The following DISC1 variants were observed in gnomAD, a reference collection of about 807,000 sequenced individuals.
DISC1 encodes DISC1 scaffold protein.
DISC1 carries 57 observed loss-of-function variants against 84.5 expected under a neutral mutation model. The observed-to-expected ratio is 0.67, with a 90% CI of 0.55 to 0.84. The LOEUF (loss-of-function observed/expected upper bound fraction) is 0.84. Ranked by LOEUF, DISC1 falls within the 40% of genes least tolerant of loss-of-function variation. The pLI is 0.00. For missense variants in DISC1, 1,000 were observed against 1,057.8 expected (o/e 0.95, Z 0.76); for synonymous variants, 411 against 415.2 (o/e 0.99, Z 0.12).
intron 9 of DISC1, among the ~76,000 whole-genome samples, chr1:231,845,405 G>A (rs1162258658): frequency 2.6e-5 from 4 of 152,174 alleles, no homozygotes; most frequent in African/African-American, 9.6e-5. Flanking sequence ...GCCGGCGGGG[G>A]GAGGTTTGAG....
intron 10 of DISC1, among the ~76,000 whole-genome samples, chr1:231,970,355 C>G (rs113817428): frequency 2.8e-4 from 42 of 152,238 alleles, no homozygotes; most frequent in African/African-American, 9.9e-4. Flanking sequence ...GGCCACTGAT[C>G]ATGATGACTT....
intron 6 of DISC1, among the ~76,000 whole-genome samples, chr1:231,773,128 C>A (rs924627357): frequency 6.6e-6 from 1 of 152,154 alleles, no homozygotes; most frequent in African/African-American, 2.4e-5. Context: ...CTATGGCTGT[C>A]TTTGGGCCTG....
In DISC1 at chr1:231,770,980, A is replaced by G. The variant is rs772579757; in HGVS notation, c.1544A>G (p.Gln515Arg). The change falls in exon 6 of 13, where the codon CAG becomes CGG. Residue 515 changes from glutamine to arginine, a missense_variant. By Grantham distance (43) the Gln-to-Arg change is conservative. Coordinates refer to ENST00000439617, the MANE Select transcript of DISC1 (RefSeq NM_018662.3). ...CTGGTGGGCCAGCTGTCCCTGGGTC[A>G]GCTGCAGGAGGTCAGCAAGGCCTTG... is the stretch of plus-strand genomic sequence containing the variant. ...TPLVGQLSLG[Q>R]LQEVSKALQD... 2 of 1,613,776 alleles carry G rather than the reference A, an allele frequency of 1.2e-6. No individual in the cohort carries two copies. Among genetic ancestry groups the G allele is most frequent in the South Asian group, 2.2e-5 (2 of 90,990 alleles).
At chr1:232,029,814 A>G (rs1454912812) in intron 12 of DISC1, among the ~76,000 whole-genome samples, 1 of 152,238 alleles carries the variant, frequency 6.6e-6, no homozygotes, top group Non-Finnish European at 1.5e-5. Context: ...TGTGGCATCA[A>G]CAGAGGTTAG....
rs367543085 is a variant in DISC1, at chr1:231,694,526, C to T, written c.768C>T (p.His256=). 34 of 1,614,124 alleles carry T rather than the reference C, an allele frequency of 2.1e-5. No individual in the cohort carries two copies. The highest frequency in any genetic ancestry group is 2.0e-4 in the Admixed American group (12 of 60,014). Residue 256 remains histidine (H), a synonymous_variant, in exon 2 of 13, where the codon CAC becomes CAT. Transcript: ENST00000439617. ...GAKAASLDGP[H]EDPRCLSRPF... is the part of the protein sequence containing the mutation. ...AAGCTGCCAGCTTGGACGGGCCTCA[C>T]GAGGACCCGCGATGTCTCTCTCGGC...
At chr1:232,010,869 G>C (rs1667962879) in intron 11 of DISC1, among the ~76,000 whole-genome samples, 1 of 152,098 alleles carries the variant, frequency 6.6e-6, no homozygotes, top group Admixed American at 6.5e-5. Flanking sequence ...CCTTTCCTTT[G>C]GGTATAGGTT....
At chr1:231,801,174 C>T (rs138496692) in intron 8 of DISC1, among the ~76,000 whole-genome samples, 10 of 152,122 alleles carry the variant, frequency 6.6e-5, no homozygotes, top group Admixed American at 2.6e-4. Flanking sequence ...GGTGCAGTCA[C>T]GCGTATTATT....
Position 232,026,548 on chromosome 1 carries a change from C to T in DISC1, c.2421C>T (p.Leu807=), listed in dbSNP as rs1245040165. ...HTAIHSHDED[L]IQSLRRELQM... is the part of the protein sequence containing the mutation. ...CAATCCACAGTCATGATGAAGATCT[C>T]ATTCATATCCTTTTCATCTTGCAGA... Residue 807 remains leucine, a synonymous_variant, in exon 12 of 13, where the codon CTC becomes CTT. Transcript: ENST00000439617. 8.2e-6 allele frequency: 13 copies of T among 1,592,346 alleles called. No homozygotes were observed. The Admixed American group carries it at 1.9e-4, about 23-fold the overall frequency.
At position 231,925,186 on chromosome 1, in the gene DISC1, G is replaced by A. The variant is rs146474627; in HGVS notation, c.1982-33642G>A. On this transcript the variant is annotated intron_variant, in intron 9 of 12. Transcript: ENST00000439617. ...CAGAATGGCATACAGTTAAAAATAC[G>A]GGCCCCAACCCGAACACAGGATTTC... Among the ~76,000 whole-genome samples, 345 of 152,086 alleles carry A rather than the reference G, an allele frequency of 2.3e-3. 2 individuals are homozygous for A. The highest frequency in any genetic ancestry group is 7.3e-3 in the African/African-American group (303 of 41,488).
chr1:231,802,858 T>C, intron 8 of DISC1, among the ~76,000 whole-genome samples: 1 of 152,174 alleles, frequency 6.6e-6, no homozygotes, highest in Middle Eastern at 3.4e-3. Flanking sequence ...TTCTAGTTTC[T>C]GATATATTTT....
intron 9 of DISC1, among the ~76,000 whole-genome samples, chr1:231,873,848 A>T (rs1183960634): frequency 2.0e-5 from 3 of 150,324 alleles, no homozygotes; most frequent in Admixed American, 6.6e-5. Context: ...ATCTTAAATA[A>T]TTTTTTTTTT....
chr1:231,804,047 T>C (rs2079514769), intron 8 of DISC1, among the ~76,000 whole-genome samples: 1 of 148,456 alleles, frequency 6.7e-6, no homozygotes, highest in South Asian at 2.2e-4. Flanking sequence ...TAGAAGCAAG[T>C]CACTAAGTTC....
At chr1:231,906,674 C>T (rs1211820905) in intron 9 of DISC1, among the ~76,000 whole-genome samples, 1 of 152,162 alleles carries the variant, frequency 6.6e-6, no homozygotes, top group Non-Finnish European at 1.5e-5. Flanking sequence ...AGTAGATTCT[C>T]TAAAGCCGTT....
intron 11 of DISC1, among the ~76,000 whole-genome samples, chr1:232,024,227 T>C (rs1669237830): frequency 1.3e-5 from 2 of 152,180 alleles, no homozygotes; most frequent in South Asian, 4.1e-4. Context: ...ATTTCTTTTC[T>C]ATATACACTT....
intron 6 of DISC1, among the ~76,000 whole-genome samples, chr1:231,776,885 C>G (rs915044000): frequency 1.3e-5 from 2 of 152,226 alleles, no homozygotes; most frequent in African/African-American, 4.8e-5. Context: ...AAGAGGGTTG[C>G]GTGGAAGCAG....
At chr1:231,646,306 A>T (rs1464254504) in intron 1 of DISC1, among the ~76,000 whole-genome samples, 5 of 151,030 alleles carry the variant, frequency 3.3e-5, no homozygotes, top group African/African-American at 4.9e-5. Flanking sequence ...TTCCAGCTTC[A>T]TCCATGTCCC....
chr1:231,854,547 G>A (rs56105904), intron 9 of DISC1, among the ~76,000 whole-genome samples: 4,851 of 152,024 alleles, frequency 0.032, 100 homozygotes, highest in African/African-American at 0.036. Context: ...CCTGCTGTCA[G>A]CCTCTCCTCC....
chr1:231,787,652 A>T (rs1450966606), intron 6 of DISC1, among the ~76,000 whole-genome samples: 2 of 152,230 alleles, frequency 1.3e-5, no homozygotes, highest in Non-Finnish European at 2.9e-5. Context: ...ACACATTGAC[A>T]TTATAGCAAT....
chr1:231,641,965 G>C (rs1407106080), intron 1 of DISC1, among the ~76,000 whole-genome samples: 4 of 152,228 alleles, frequency 2.6e-5, no homozygotes, highest in Non-Finnish European at 5.9e-5. Context: ...CTCAGGCCTT[G>C]GGTGGTCGAT....
Sources: allele counts gnomAD v4.1 joint callset (sites outside exome capture counted in the v4.1 genomes callset), GRCh38; gene constraint gnomAD v4.1.1; transcripts MANE v1.5; gene names NCBI Gene and HGNC (gene_info 2026-07-23, HGNC 2026-07-21).